STK4: variants seen among roughly 807,000 people sequenced by gnomAD.
STK4 encodes the protein serine/threonine-protein kinase 4.
In STK4, 30 loss-of-function variants were observed where a neutral mutation model predicts 64.9. The ratio of observed to expected loss-of-function variants is 0.46; its 90% CI spans 0.35 to 0.63. The LOEUF (loss-of-function observed/expected upper bound fraction) is 0.63. Among genes scored for constraint, STK4 ranks in the 20% least tolerant of loss-of-function variants. The probability of loss-of-function intolerance (pLI) is 0.01; values close to 1 mark genes in which losing one functional copy is unlikely to be tolerated. For synonymous variants in STK4, 177 were observed against 199.0 expected (o/e 0.89, Z 0.93); for missense variants, 466 against 598.5 (o/e 0.78, Z 2.31).
At chr20:44,995,794 C>T (rs766469281) in intron 6 of STK4, among the ~76,000 whole-genome samples, 3 of 152,082 alleles carry the variant, frequency 2.0e-5, no homozygotes, top group Non-Finnish European at 4.4e-5. Flanking sequence ...TGATAGCCCT[C>T]TGGCAGGACA....
intron 4 of STK4, among the ~76,000 whole-genome samples, chr20:44,984,514 T>C (rs1400141282): frequency 6.6e-6 from 1 of 152,134 alleles, no homozygotes; most frequent in Non-Finnish European, 1.5e-5. Flanking sequence ...AGTGCTGATT[T>C]TTAATTACTA....
chr20:44,993,511 A>G (rs1457443619), intron 5 of STK4, among the ~76,000 whole-genome samples: 1 of 152,230 alleles, frequency 6.6e-6, no homozygotes, highest in Non-Finnish European at 1.5e-5. Context: ...AGCTAAGGAA[A>G]TGACTAAGCA....
chr20:45,060,826 G>A (rs1978927176), intron 10 of STK4, among the ~76,000 whole-genome samples: 1 of 152,140 alleles, frequency 6.6e-6, no homozygotes, highest in Non-Finnish European at 1.5e-5. Flanking sequence ...TTGTTTTCAT[G>A]ACTTCCCTAC....
At chr20:45,040,675 A>T (rs1393823039) in intron 10 of STK4, among the ~76,000 whole-genome samples, 1 of 151,578 alleles carries the variant, frequency 6.6e-6, no homozygotes, top group African/African-American at 2.4e-5. Context: ...AAAATGGGAA[A>T]TGGTAATTAG....
intron 10 of STK4, among the ~76,000 whole-genome samples, chr20:45,064,416 T>C (rs1464803000): frequency 6.6e-6 from 1 of 152,186 alleles, no homozygotes; most frequent in East Asian, 1.9e-4. Flanking sequence ...TGTTTTGGGC[T>C]TTTAAAAAAT....
chr20:45,028,074 A>G (rs2068383277), intron 10 of STK4, among the ~76,000 whole-genome samples: 1 of 152,154 alleles, frequency 6.6e-6, no homozygotes, highest in Admixed American at 6.5e-5. Context: ...TAAATAGGAG[A>G]GTTTAGATAT....
At chr20:44,993,078 A>C (rs1476551235) in intron 5 of STK4, among the ~76,000 whole-genome samples, 2 of 151,778 alleles carry the variant, frequency 1.3e-5, no homozygotes, top group Non-Finnish European at 2.9e-5. Context: ...ATTTTGGTGA[A>C]AGTATAAGGT....
chr20:45,004,760 T>TTTTTTTC (rs1187595257), intron 9 of STK4, among the ~76,000 whole-genome samples: 1 of 150,874 alleles, frequency 6.6e-6, no homozygotes, highest in Non-Finnish European at 1.5e-5. Context: ...TTCTCCTTTT[T>TTTTTTTC]TTTTTTCTTT....
At chr20:45,005,605 G>A (rs371459309) in intron 9 of STK4, among the ~76,000 whole-genome samples, 1 of 135,678 alleles carries the variant, frequency 7.4e-6, no homozygotes, top group African/African-American at 2.9e-5. Context: ...CCGAGATCGC[G>A]CCACTGCACT....
chr20:45,077,579 G>C lies in STK4; in HGVS notation c.*2403G>C, dbSNP rs1980614546. 6.6e-6 allele frequency: 1 copy of C among 152,184 alleles called. No individual in the cohort carries two copies. Among genetic ancestry groups the C allele is most frequent in the African/African-American group, 2.4e-5 (1 of 41,428 alleles). 9.4% of individuals were successfully genotyped at this position (152,184 alleles called of 1,614,324 possible). Reference sequence around the variant, plus strand: ...TTTTTGTATTTGTAGTAGAGACGGGGTTTCACCATGTCAGTCAGGCTGGTC... The same window carrying C: ...TTTTTGTATTTGTAGTAGAGACGGGCTTTCACCATGTCAGTCAGGCTGGTC... On this transcript the variant is annotated 3_prime_UTR_variant, in exon 11 of 11. Coordinates refer to ENST00000372806, the MANE Select transcript of STK4 (RefSeq NM_006282.5).
intron 4 of STK4, among the ~76,000 whole-genome samples, chr20:44,983,729 GAAT>G (rs1568688902): frequency 2.0e-5 from 3 of 152,192 alleles, no homozygotes; most frequent in Non-Finnish European, 2.9e-5. Flanking sequence ...AGAAAAATAA[GAAT>G]AATAATATCT....
At position 44,982,886 on chromosome 20, in the gene STK4, A is replaced by G. The variant is rs577570997; in HGVS notation, c.360+943A>G. Among the ~76,000 whole-genome samples, 8 of 152,320 alleles carry G rather than the reference A, an allele frequency of 5.3e-5. No individual in the cohort carries two copies. In the South Asian group the frequency reaches 1.7e-3, roughly 32 times the overall value. ...AACTATTAATAGAAAAGATATAATA[A>G]TGATATATACTATGAGGAAAATGAA... On this transcript the variant is annotated intron_variant, in intron 4 of 10. Coordinates refer to ENST00000372806, the MANE Select transcript of STK4 (RefSeq NM_006282.5).
chr20:45,056,255 AT>A (rs1978474598), intron 10 of STK4, among the ~76,000 whole-genome samples: 1 of 152,194 alleles, frequency 6.6e-6, no homozygotes, highest in South Asian at 2.1e-4. Flanking sequence ...GCTATAGAAC[AT>A]TTCTAATATC....
rs1160537034 is a variant in STK4 at position 44,972,067 on chromosome 20, T to G, written c.36-11T>G. ...AAAATGTATTTTGTGTTTATATTTC[T>G]TTATTCACAGGCAGCTGAAAAAGTT... On this transcript the variant is annotated splice_polypyrimidine_tract_variant and intron_variant, in intron 1 of 10. Coordinates refer to ENST00000372806, the MANE Select transcript of STK4 (RefSeq NM_006282.5). The G allele has an allele frequency of 6.2e-7, 1 of 1,612,030 alleles. No homozygotes were observed. Among genetic ancestry groups the G allele is most frequent in the Non-Finnish European group, 8.5e-7 (1 of 1,178,708 alleles).
At chr20:45,041,916 T>G (rs1159541138) in intron 10 of STK4, among the ~76,000 whole-genome samples, 1 of 152,156 alleles carries the variant, frequency 6.6e-6, no homozygotes, top group Non-Finnish European at 1.5e-5. Flanking sequence ...ATTGCTGTAA[T>G]CAGAACCTGA....
chr20:44,971,284 G>A (rs921251871), intron 1 of STK4, among the ~76,000 whole-genome samples: 5 of 152,148 alleles, frequency 3.3e-5, no homozygotes, highest in Non-Finnish European at 7.4e-5. Flanking sequence ...AAGTACCTTT[G>A]ATTTTTGGGA....
At chr20:44,983,285 A>G (rs902722525) in intron 4 of STK4, among the ~76,000 whole-genome samples, 1 of 152,184 alleles carries the variant, frequency 6.6e-6, no homozygotes, top group African/African-American at 2.4e-5. Flanking sequence ...CAAGTGAGCG[A>G]GCCATCTGAT....
At chr20:45,027,274 C>CA (rs892960813) in intron 10 of STK4, among the ~76,000 whole-genome samples, 3 of 151,722 alleles carry the variant, frequency 2.0e-5, no homozygotes, top group Admixed American at 6.6e-5. Flanking sequence ...ACTAACAATA[C>CA]AAAAAAATCA....
chr20:45,070,231 G>A (rs1404970783), intron 10 of STK4, among the ~76,000 whole-genome samples: 1 of 152,176 alleles, frequency 6.6e-6, no homozygotes, highest in Non-Finnish European at 1.5e-5. Context: ...CTCATGAGTT[G>A]GATTTTATTC....
Sources: gnomAD v4.1 joint callset for allele counts (sites outside exome capture counted in the v4.1 genomes callset) on GRCh38, gnomAD v4.1.1 for gene constraint, MANE v1.5 for transcripts, NCBI Gene and HGNC (gene_info 2026-07-23, HGNC 2026-07-21) for gene names.